TMEM67: variants seen among roughly 807,000 people sequenced by gnomAD.
TMEM67 encodes transmembrane protein 67, also known as meckelin.
TMEM67 carries 124 observed loss-of-function variants against 136.6 expected under a neutral mutation model. That is an observed-to-expected ratio of 0.91 (90% CI 0.78 to 1.05). The LOEUF (loss-of-function observed/expected upper bound fraction) is 1.05, where lower values mean the gene tolerates loss of function less well. Ranked by LOEUF, TMEM67 falls within the 50% of genes least tolerant of loss-of-function variation. The pLI, the probability that TMEM67 is intolerant of heterozygous loss-of-function variation, is 0.00. For synonymous variants in TMEM67, 364 were observed against 390.5 expected, an observed-to-expected ratio of 0.93 and a Z score of 0.80; for missense variants, 1,107 against 1,178.4, an observed-to-expected ratio of 0.94 and a Z score of 0.89.
the TMEM67 span, among the ~76,000 whole-genome samples, chr8:93,827,322 GTAGGAGGATACTGA>G: frequency 6.6e-6 from 1 of 152,132 alleles, no homozygotes; most frequent in East Asian, 1.9e-4. Context: ...AAATCAACCT[GTAGGAGGATACTGA>G]TAGTTGCCTG....
chr8:93,757,437 A>C (rs1812627837), intron 2 of TMEM67, among the ~76,000 whole-genome samples: 1 of 152,110 alleles, frequency 6.6e-6, no homozygotes, highest in Non-Finnish European at 1.5e-5. Flanking sequence ...AGAGATCAAG[A>C]CCATCCTGGC....
intron 11 of TMEM67, among the ~76,000 whole-genome samples, chr8:93,783,399 A>G (rs952859291): frequency 1.3e-5 from 2 of 152,222 alleles, no homozygotes; most frequent in East Asian, 3.8e-4. Context: ...AAATAAAGTA[A>G]AAATACTACT....
chr8:93,801,353 G>GCAAT (rs1814861311), intron 21 of TMEM67, among the ~76,000 whole-genome samples: 1 of 151,308 alleles, frequency 6.6e-6, no homozygotes, highest in Non-Finnish European at 1.5e-5. Context: ...TCCTGCCTCA[G>GCAAT]CCTCCTGATT....
intron 21 of TMEM67, among the ~76,000 whole-genome samples, chr8:93,803,085 T>C (rs2130755480): frequency 6.6e-6 from 1 of 152,316 alleles, no homozygotes; most frequent in East Asian, 1.9e-4. Context: ...TTTTTATTTA[T>C]AAAATTTCTG....
chr8:93,797,259 C>T (rs1161884806), intron 19 of TMEM67, 26 bp downstream of exon 19: 2 of 1,609,688 alleles, frequency 1.2e-6, no homozygotes, highest in Admixed American at 3.3e-5. Flanking sequence ...AATATTTGTA[C>T]CAAAATTCTT....
intron 20 of TMEM67, 73 bp from the exon 21 acceptor site, chr8:93,799,545 T>C: frequency 6.7e-7 from 1 of 1,500,454 alleles, no homozygotes; most frequent in Non-Finnish European, 9.2e-7. Flanking sequence ...AGGGAGAGGT[T>C]TTCTGTTTTC....
intron 26 of TMEM67, among the ~76,000 whole-genome samples, chr8:93,814,123 T>C (rs1808804602): frequency 1.3e-5 from 2 of 149,196 alleles, no homozygotes; most frequent in South Asian, 4.2e-4. Flanking sequence ...TTGCAAGAGT[T>C]GTATATGTAT....
intron 23 of TMEM67, among the ~76,000 whole-genome samples, chr8:93,807,209 G>A (rs1332024554): frequency 6.6e-6 from 1 of 152,038 alleles, no homozygotes; most frequent in African/African-American, 2.4e-5. Context: ...AGACCTTCTG[G>A]AAAGTGTTTG....
chr8:93,804,900 T>G, intron 23 of TMEM67, 22 bp downstream of exon 23: 1 of 1,375,976 alleles, frequency 7.3e-7, no homozygotes, highest in Non-Finnish European at 1.0e-6. Flanking sequence ...TTTTACATCT[T>G]TTTGTTTTTA....
chr8:93,818,346 G>A (rs915865784), downstream of TMEM67, among the ~76,000 whole-genome samples: 7 of 152,132 alleles, frequency 4.6e-5, no homozygotes, highest in African/African-American at 1.7e-4. Flanking sequence ...GTGTACTTTG[G>A]ATGCTCCTTA....
intron 1 of TMEM67, 139 bp from the exon 2 acceptor site, chr8:93,755,639 A>T: frequency 1.6e-6 from 1 of 643,810 alleles, no homozygotes; most frequent in Non-Finnish European, 2.7e-6. Flanking sequence ...CCCAGGCAGT[A>T]CTGCCTCCAG....
chr8:93,755,074 T>C lies in TMEM67; in HGVS notation c.160T>C (p.Tyr54His). ...QQPEKCDNNQ[Y>H]FDISALSCVP... ...GCCGGAGAAGTGCGACAACAACCAG[T>C]ACTTTGATATCTCCGCCCTCTCGTG... Residue 54 changes from tyrosine (Y) to histidine (H), a missense_variant, in exon 1 of 28, where the codon TAC becomes CAC. This residue lies in a region of TMEM67 where 178 missense variants were observed against 159.2 expected (regional missense o/e 1.12). Coordinates refer to ENST00000453321, the MANE Select transcript of TMEM67 (RefSeq NM_153704.6). 1 of 1,614,192 alleles carries C rather than the reference T, an allele frequency of 6.2e-7. No individual in the cohort carries two copies. The highest frequency in any genetic ancestry group is 1.3e-5 in the African/African-American group (1 of 75,024).
downstream of TMEM67, among the ~76,000 whole-genome samples, chr8:93,822,185 T>C (rs537541736): frequency 9.2e-5 from 14 of 152,098 alleles, no homozygotes; most frequent in Non-Finnish European, 1.9e-4. Flanking sequence ...TGAGCAAGGC[T>C]CAAGTAGCCA....
In TMEM67 at chr8:93,795,503, T is replaced by C. The variant is rs267607115; in HGVS notation, c.1769T>C (p.Phe590Ser). ...VGTGLYWLIF[F>S]KAQKSVSVLL... ...ACAGGTCTTTACTGGCTTATTTTCTTCAAAGTGAGTGAGTTTCTGAATTTT... is the reference window on the plus strand; with the variant it reads ...ACAGGTCTTTACTGGCTTATTTTCTCCAAAGTGAGTGAGTTTCTGAATTTT... Residue 590 changes from phenylalanine (F) to serine (S), a missense_variant, in exon 17 of 28, where the codon TTC (phenylalanine) becomes TCC (serine). Physicochemically the swap from Phe to Ser is radical, Grantham distance 155. Transcript: ENST00000453321. 10 of 1,612,574 alleles carry C rather than the reference T, an allele frequency of 6.2e-6. No individual in the cohort carries two copies. Among genetic ancestry groups the C allele is most frequent in the Middle Eastern group, 1.6e-4 (1 of 6,080 alleles).
chr8:93,801,430 T>C (rs1475269814), intron 21 of TMEM67, among the ~76,000 whole-genome samples: 1 of 151,428 alleles, frequency 6.6e-6, no homozygotes, highest in Non-Finnish European at 1.5e-5. Flanking sequence ...AGACAGAGTT[T>C]CACTCTTGTT....
At chr8:93,761,365 C>A (rs1394438695) in intron 3 of TMEM67, among the ~76,000 whole-genome samples, 6 of 152,142 alleles carry the variant, frequency 3.9e-5, no homozygotes, top group Admixed American at 3.3e-4. Context: ...AATAGTTATT[C>A]GTGTATTAAT....
Position 93,797,141 on chromosome 8 carries a change from A to AT in TMEM67, c.1868_1869insT (p.Gln623HisfsTer5). The AT allele has an allele frequency of 3.7e-6, 6 of 1,604,186 alleles. No individual in the cohort carries two copies. The highest frequency in any genetic ancestry group is 5.1e-6 in the Non-Finnish European group (6 of 1,171,686). ...ATTATATGTCATTCTCAGGCACTAC[A>AT]ATTTTTGCATAAGCTCATATCCCAG... is the stretch of plus-strand genomic sequence containing the variant. On this transcript the variant is annotated frameshift_variant, in exon 19 of 28. Coordinates refer to ENST00000453321, the MANE Select transcript of TMEM67 (RefSeq NM_153704.6). LOFTEE classifies it high-confidence loss of function.
chr8:93,819,253 A>G (rs1204136625), downstream of TMEM67: 2 of 421,344 alleles, frequency 4.7e-6, no homozygotes, highest in African/African-American at 4.2e-5. Context: ...ACTGATCTCA[A>G]TAACTGACCA....
intron 13 of TMEM67, 89 bp from the exon 14 acceptor site, chr8:93,787,755 C>A: frequency 2.0e-6 from 2 of 1,020,342 alleles, no homozygotes; most frequent in Non-Finnish European, 3.1e-6. Flanking sequence ...TCAGACAATT[C>A]ATATTAAATT....
Sources: allele counts gnomAD v4.1 joint callset (sites outside exome capture counted in the v4.1 genomes callset), GRCh38; gene constraint gnomAD v4.1.1; regional missense constraint gnomAD v4.1.1; transcripts MANE v1.5; gene names NCBI Gene and HGNC (gene_info 2026-07-23, HGNC 2026-07-21).